The following NXPH1 variants were observed in gnomAD, a reference collection of about 807,000 sequenced individuals.
NXPH1 encodes the protein neurexophilin 1.
In NXPH1, 5 loss-of-function variants were observed where a neutral mutation model predicts 23.7. The observed-to-expected ratio is 0.21, with a 90% CI of 0.11 to 0.44. NXPH1 has a LOEUF of 0.44. Ranked by LOEUF, NXPH1 falls within the 20% of genes least tolerant of loss-of-function variation. The pLI is 0.99. For missense variants in NXPH1, 324 were observed against 321.6 expected (o/e 1.01, Z -0.06); for synonymous variants, 144 against 122.2 (o/e 1.18, Z -1.18).
chr7:8,557,476 A>C (rs796785902), intron 2 of NXPH1, among the ~76,000 whole-genome samples: 4 of 151,678 alleles, frequency 2.6e-5, no homozygotes, highest in African/African-American at 9.6e-5. Context: ...ACTCCTTTGC[A>C]ATCCTTTTAA....
intron 2 of NXPH1, among the ~76,000 whole-genome samples, chr7:8,501,003 A>T (rs1361635206): frequency 6.6e-6 from 1 of 152,056 alleles, no homozygotes; most frequent in Non-Finnish European, 1.5e-5. Context: ...GAGGTCTCTA[A>T]CTCAAATCTT....
At chr7:8,706,805 C>G (rs1779713854) in intron 2 of NXPH1, among the ~76,000 whole-genome samples, 2 of 152,154 alleles carry the variant, frequency 1.3e-5, no homozygotes, top group Admixed American at 6.5e-5. Context: ...GTGGGTACCC[C>G]ATTGAAGAGG....
At chr7:8,569,789 G>T (rs1156381003) in intron 2 of NXPH1, among the ~76,000 whole-genome samples, 1 of 151,774 alleles carries the variant, frequency 6.6e-6, no homozygotes, top group East Asian at 1.9e-4. Context: ...ATATTCTGTA[G>T]GTTCCCACAC....
intron 2 of NXPH1, among the ~76,000 whole-genome samples, chr7:8,577,045 T>C (rs902263175): frequency 1.3e-5 from 2 of 152,136 alleles, no homozygotes; most frequent in African/African-American, 2.4e-5. Context: ...TTTGAAATAA[T>C]GTTATTATTA....
chr7:8,556,545 C>A (rs1383507840), intron 2 of NXPH1, among the ~76,000 whole-genome samples: 1 of 151,606 alleles, frequency 6.6e-6, no homozygotes, highest in Non-Finnish European at 1.5e-5. Flanking sequence ...CGAGAATGCT[C>A]CAGCAGGCAG....
rs757406058 is a variant in NXPH1 at position 8,722,578 on chromosome 7, C to T, written c.55-28430C>T. On this transcript the variant is annotated intron_variant, in intron 2 of 2. Coordinates refer to ENST00000405863, the MANE Select transcript of NXPH1 (RefSeq NM_152745.3). ...CTTTTTTAGGGGTTTGCAAATGGTG[C>T]CAATTTTCTAGTATCTCTTCCTTTC... 5.3e-5 allele frequency among the ~76,000 whole-genome samples: 8 copies of T among 152,112 alleles called. 1 individual carries two copies. Among genetic ancestry groups the T allele is most frequent in the Non-Finnish European group, 1.0e-4 (7 of 68,012 alleles).
At chr7:8,742,328 A>C (rs1347951241) in intron 2 of NXPH1, among the ~76,000 whole-genome samples, 1 of 152,180 alleles carries the variant, frequency 6.6e-6, no homozygotes, top group Non-Finnish European at 1.5e-5. Flanking sequence ...TGAGCAAAGA[A>C]AACATTGGAA....
chr7:8,745,165 C>T (rs540609178), intron 2 of NXPH1, among the ~76,000 whole-genome samples: 3 of 152,280 alleles, frequency 2.0e-5, no homozygotes, highest in African/African-American at 4.8e-5. Context: ...TGCTCCCTGG[C>T]GTTCAGCAGT....
At chr7:8,496,878 A>T (rs9692360) in intron 2 of NXPH1, among the ~76,000 whole-genome samples, 116,551 of 152,060 alleles carry the variant, frequency 0.77, 45,456 homozygotes, top group East Asian at 0.94. Flanking sequence ...CAGATTTTTT[A>T]AAAATTATAC....
rs750033087 is a variant in NXPH1, at chr7:8,751,313, A to C, written c.360A>C (p.Gly120=). Residue 120 remains glycine, a synonymous_variant, in exon 3 of 3, where the codon GGA becomes GGC. Transcript: ENST00000405863. The surrounding 1 kb of genome is among the most constrained non-coding windows in gnomAD (Gnocchi z 4.5). The part of the protein sequence containing the change: ...VKTGKFKKMF[G]WGDFHSNIKT... The stretch of plus-strand genomic sequence containing the variant: ...CGGGCAAGTTTAAGAAAATGTTTGG[A>C]TGGGGCGATTTTCATTCCAACATCA... The C allele has an allele frequency of 6.2e-7, 1 of 1,613,954 alleles. No individual in the cohort carries two copies. Among genetic ancestry groups the C allele is most frequent in the Admixed American group, 1.7e-5 (1 of 59,966 alleles).
intron 2 of NXPH1, among the ~76,000 whole-genome samples, chr7:8,741,264 C>T (rs958222671): frequency 2.6e-5 from 4 of 152,134 alleles, no homozygotes; most frequent in African/African-American, 9.7e-5. Flanking sequence ...GCATATTTCT[C>T]ATTAATTATA....
intron 2 of NXPH1, among the ~76,000 whole-genome samples, chr7:8,662,500 T>C (rs1445959433): frequency 1.3e-5 from 2 of 152,116 alleles, no homozygotes; most frequent in African/African-American, 2.4e-5. Context: ...AGCATAGTTA[T>C]GATTCTATTT....
intron 2 of NXPH1, among the ~76,000 whole-genome samples, chr7:8,574,772 G>T (rs1438062118): frequency 6.6e-6 from 1 of 152,082 alleles, no homozygotes; most frequent in African/African-American, 2.4e-5. Context: ...AATTCGAAAG[G>T]GAAGAAAAGA....
At chr7:8,740,442 A>G (rs1350248580) in intron 2 of NXPH1, among the ~76,000 whole-genome samples, 1 of 152,182 alleles carries the variant, frequency 6.6e-6, no homozygotes, top group Non-Finnish European at 1.5e-5. Context: ...TGAGTTAGGT[A>G]TTATCTAAAT....
At chr7:8,514,278 C>T (rs1036388154) in intron 2 of NXPH1, among the ~76,000 whole-genome samples, 7 of 152,106 alleles carry the variant, frequency 4.6e-5, no homozygotes, top group African/African-American at 1.4e-4. Context: ...ATAAGTGTTG[C>T]TTCTCCTTCA....
chr7:8,581,426 G>A (rs1173744973), intron 2 of NXPH1, among the ~76,000 whole-genome samples: 1 of 152,124 alleles, frequency 6.6e-6, no homozygotes, highest in Non-Finnish European at 1.5e-5. Context: ...TTACATGGCT[G>A]GAGCAGGAGG....
At chr7:8,592,755 G>A (rs539413985) in intron 2 of NXPH1, among the ~76,000 whole-genome samples, 1 of 150,954 alleles carries the variant, frequency 6.6e-6, no homozygotes, top group East Asian at 2.0e-4. Flanking sequence ...GTGTGGCAGT[G>A]TTCCCGTAAT....
intron 2 of NXPH1, among the ~76,000 whole-genome samples, chr7:8,554,104 C>A (rs1432519733): frequency 2.0e-5 from 3 of 151,582 alleles, no homozygotes; most frequent in East Asian, 3.9e-4. Context: ...TTGTTAAGAG[C>A]TAAGTAAGAT....
chr7:8,718,172 A>G (rs1371794354), intron 2 of NXPH1, among the ~76,000 whole-genome samples: 1 of 151,710 alleles, frequency 6.6e-6, no homozygotes, highest in Non-Finnish European at 1.5e-5. Context: ...TTACAGTGAC[A>G]AAGAGATATT....
Sources: gnomAD v4.1 joint callset for allele counts (sites outside exome capture counted in the v4.1 genomes callset) on GRCh38, gnomAD v4.1.1 for gene constraint, Gnocchi (gnomAD v3.1) non-coding constraint, MANE v1.5 for transcripts, NCBI Gene and HGNC (gene_info 2026-07-23, HGNC 2026-07-21) for gene names.